Variants in DHTKD1 observed in about 807,000 individuals in gnomAD.
The protein encoded by DHTKD1 is 2-oxoadipate dehydrogenase complex component E1.
In DHTKD1, 78 loss-of-function variants were observed where a neutral mutation model predicts 101.8. The observed-to-expected ratio is 0.77, with a 90% CI of 0.64 to 0.93. The LOEUF is 0.93. DHTKD1 is among the 40% of genes least tolerant of loss of function. The probability of loss-of-function intolerance (pLI) is 0.00; values close to 1 mark genes in which losing one functional copy is unlikely to be tolerated. For missense variants in DHTKD1, 1,223 were observed against 1,161.7 expected (o/e 1.05, Z -0.77); for synonymous variants, 462 against 450.3 (o/e 1.03, Z -0.33).
At chr10:12,090,165 A>G (rs1391523540) in intron 5 of DHTKD1, among the ~76,000 whole-genome samples, 1 of 152,178 alleles carries the variant, frequency 6.6e-6, no homozygotes. Flanking sequence ...ACCTTTAACT[A>G]CAGGAGATCA....
intron 13 of DHTKD1, among the ~76,000 whole-genome samples, chr10:12,114,277 T>C (rs187286091): frequency 6.6e-6 from 1 of 152,214 alleles, no homozygotes; most frequent in East Asian, 1.9e-4. Flanking sequence ...TTCATATGAG[T>C]TTTAATTAGA....
intron 7 of DHTKD1, among the ~76,000 whole-genome samples, chr10:12,095,829 A>AAAAAG (rs1399391243): frequency 1.1e-5 from 1 of 90,534 alleles, no homozygotes; most frequent in Non-Finnish European, 2.1e-5. Flanking sequence ...AAAAAAAAAA[A>AAAAAG]AAAAGAAAAG....
intron 14 of DHTKD1, 149 bp from the exon 15 acceptor site, chr10:12,118,600 T>C (rs1833460868): frequency 4.5e-6 from 2 of 441,308 alleles, no homozygotes; most frequent in Admixed American, 3.6e-5. Context: ...GCCAGGATGG[T>C]CTTGATTTCC....
chr10:12,089,130 T>TGGAGGCCGTCAACCC lies in DHTKD1; in HGVS notation c.862_863insGGAGGCCGTCAACCC (p.Ser288delinsTrpArgProSerThrPro). ...CCATGTGACAATGTTGCCCAATCCC[T>TGGAGGCCGTCAACCC]CGCACCTGGAGGCCGTCAACCCCGT... On this transcript the variant is annotated protein_altering_variant, in exon 5 of 17. Coordinates refer to ENST00000263035, the MANE Select transcript of DHTKD1 (RefSeq NM_018706.7). The TGGAGGCCGTCAACCC allele has an allele frequency of 6.2e-7, 1 of 1,614,114 alleles. No homozygotes were observed. The highest frequency in any genetic ancestry group is 1.1e-5 in the South Asian group (1 of 91,080).
At chr10:12,109,169 A>ATAAT (rs1833291063) in intron 12 of DHTKD1, among the ~76,000 whole-genome samples, 1 of 152,016 alleles carries the variant, frequency 6.6e-6, no homozygotes, top group South Asian at 2.1e-4. Flanking sequence ...AAATAAATAA[A>ATAAT]TAATAAATAG....
rs1051489369 is a variant in DHTKD1 at position 12,110,403 on chromosome 10, T to C, written c.2154+2388T>C. ...CCATTGTTAGTGTTAGTGTATTTTA[T>C]GTGTGGCACAAGACAATTCTTCTTC... is the stretch of plus-strand genomic sequence containing the variant. On this transcript the variant is annotated intron_variant, in intron 12 of 16. Transcript: ENST00000263035. The surrounding 1 kb of genome is among the most constrained non-coding windows in gnomAD (Gnocchi z 4.9). 4.6e-5 allele frequency among the ~76,000 whole-genome samples: 7 copies of C among 151,610 alleles called. No homozygotes were observed. The East Asian group carries it at 9.8e-4, about 21-fold the overall frequency.
At chr10:12,106,181 C>T (rs1370400781) in intron 10 of DHTKD1, 65 bp from the exon 11 acceptor site, 80 of 1,565,224 alleles carry the variant, frequency 5.1e-5, no homozygotes, top group Middle Eastern at 1.7e-4. Flanking sequence ...TCGATAAGTT[C>T]GCAGGAGCCC....
intron 9 of DHTKD1, 26 bp downstream of exon 9, chr10:12,100,288 T>TTTTTTTTTTTTTTG: frequency 4.3e-6 from 3 of 698,798 alleles, no homozygotes; most frequent in Non-Finnish European, 6.2e-6. Context: ...TTTTTTTCTG[T>TTTTTTTTTTTTTTG]TTTTTTTTTT....
intron 7 of DHTKD1, among the ~76,000 whole-genome samples, chr10:12,096,671 C>A (rs899395964): frequency 6.6e-6 from 1 of 152,220 alleles, no homozygotes; most frequent in Non-Finnish European, 1.5e-5. Flanking sequence ...GCTTTAAAAT[C>A]TATCCTGCTT....
intron 5 of DHTKD1, among the ~76,000 whole-genome samples, chr10:12,090,408 TTTTCCTTCCTTCCTTCCTTTTTCCTTCC>T (rs1832971214): frequency 6.2e-5 from 1 of 16,026 alleles, no homozygotes; most frequent in East Asian, 1.4e-3. Flanking sequence ...TTCCTTCCTT[TTTTCCTTCCTTCCTTCCTTTTTCCTTCC>T]TTCCTTCCTT....
Position 12,120,940 on chromosome 10 carries a change from C to CCATTTT in DHTKD1, c.*53_*54insATTTTC. ...CTCTTTAAGAAAATGGCCATTAAGG[C>CCATTTT]CGGGTGGGGTGGCACATGCCTGTAA... On this transcript the variant is annotated 3_prime_UTR_variant, in exon 17 of 17. Transcript: ENST00000263035. The CCATTTT allele has an allele frequency of 6.5e-7, 1 of 1,538,420 alleles. No homozygotes were observed. Among genetic ancestry groups the CCATTTT allele is most frequent in the Non-Finnish European group, 8.9e-7 (1 of 1,124,010 alleles).
intron 1 of DHTKD1, among the ~76,000 whole-genome samples, chr10:12,072,355 G>A (rs960589549): frequency 3.9e-5 from 6 of 151,980 alleles, no homozygotes; most frequent in Admixed American, 1.3e-4. Context: ...CCGGTTACTC[G>A]GGAGGCTGAG....
chr10:12,095,688 C>T (rs1833055055), intron 7 of DHTKD1, among the ~76,000 whole-genome samples: 1 of 150,818 alleles, frequency 6.6e-6, no homozygotes, highest in Non-Finnish European at 1.5e-5. Flanking sequence ...TGGCGGGCGC[C>T]TGTAGTCCCA....
rs74666669 is a variant in DHTKD1, at chr10:12,119,746, A to G, written c.2573-436A>G. Reference sequence around the variant, plus strand: ...TGGGTTAATACCTAGGTGATGGATGATCTGAGGAGCAAACCTCCGTGGCAC... The same window carrying G: ...TGGGTTAATACCTAGGTGATGGATGGTCTGAGGAGCAAACCTCCGTGGCAC... On this transcript the variant is annotated intron_variant, in intron 15 of 16. Transcript: ENST00000263035. Among the ~76,000 whole-genome samples, 772 of 152,170 alleles carry G rather than the reference A, an allele frequency of 5.1e-3. 10 individuals are homozygous for G. Among genetic ancestry groups the G allele is most frequent in the African/African-American group, 0.017 (726 of 41,512 alleles).
intron 7 of DHTKD1, 91 bp downstream of exon 7, chr10:12,094,362 G>A: frequency 8.4e-7 from 1 of 1,194,386 alleles, no homozygotes; most frequent in Non-Finnish European, 1.2e-6. Flanking sequence ...TTGTCACCCA[G>A]TCTGGAATGC....
chr10:12,082,320 A>G (rs1760400698), intron 2 of DHTKD1, among the ~76,000 whole-genome samples: 1 of 152,108 alleles, frequency 6.6e-6, no homozygotes, highest in Non-Finnish European at 1.5e-5. Context: ...CTTCCATTCC[A>G]AAGCTGATAC....
intron 9 of DHTKD1, 148 bp from the exon 10 acceptor site, chr10:12,100,894 T>C: frequency 6.3e-6 from 5 of 791,918 alleles, no homozygotes; most frequent in Non-Finnish European, 1.0e-5. Flanking sequence ...CTATAGACTT[T>C]TGAATATTGG....
intron 13 of DHTKD1, among the ~76,000 whole-genome samples, chr10:12,115,529 T>C (rs1833402565): frequency 6.6e-6 from 1 of 152,180 alleles, no homozygotes; most frequent in South Asian, 2.1e-4. Context: ...TGACTCACCC[T>C]AGCCTGGCCC....
chr10:12,071,586 A>G (rs1461977774), intron 1 of DHTKD1, among the ~76,000 whole-genome samples: 2 of 151,966 alleles, frequency 1.3e-5, no homozygotes, highest in African/African-American at 4.8e-5. Context: ...CCTGGCCAAC[A>G]TGGTGAAACC....
Sources: allele counts gnomAD v4.1 joint callset (sites outside exome capture counted in the v4.1 genomes callset), GRCh38; gene constraint gnomAD v4.1.1; non-coding constraint Gnocchi (gnomAD v3.1); transcripts MANE v1.5; gene names NCBI Gene and HGNC (gene_info 2026-07-23, HGNC 2026-07-21).